MACROD2: variants seen among roughly 807,000 people sequenced by gnomAD.
MACROD2 encodes the protein mono-ADP ribosylhydrolase 2.
Under a neutral mutation model 70.4 loss-of-function variants are expected in MACROD2, and 36 were observed. That is an observed-to-expected ratio of 0.51 (90% CI 0.39 to 0.68). The LOEUF is 0.68. Ranked by LOEUF, MACROD2 falls within the 30% of genes least tolerant of loss-of-function variation. The pLI is 0.00. For missense variants in MACROD2, 496 were observed against 538.4 expected (o/e 0.92, Z 0.78); for synonymous variants, 172 against 178.8 (o/e 0.96, Z 0.30).
intron 6 of MACROD2, among the ~76,000 whole-genome samples, chr20:15,376,039 C>CATGT (rs1441056088): frequency 6.6e-6 from 1 of 152,102 alleles, no homozygotes; most frequent in Non-Finnish European, 1.5e-5. Context: ...TTTTTGAGGC[C>CATGT]ATGTGGTCCA....
At chr20:14,867,977 A>G (rs1005369345) in intron 5 of MACROD2, among the ~76,000 whole-genome samples, 1 of 152,106 alleles carries the variant, frequency 6.6e-6, no homozygotes. Context: ...TCAGTGAAGG[A>G]GAGGGCAATA....
At chr20:15,503,014 G>A (rs1288874168) in intron 8 of MACROD2, among the ~76,000 whole-genome samples, 1 of 152,164 alleles carries the variant, frequency 6.6e-6, no homozygotes, top group Non-Finnish European at 1.5e-5. Flanking sequence ...CCAGAAAAAG[G>A]CACCCAGGGA....
chr20:15,976,870 G>A (rs761831206), intron 13 of MACROD2, among the ~76,000 whole-genome samples: 1 of 152,182 alleles, frequency 6.6e-6, no homozygotes, highest in Non-Finnish European at 1.5e-5. Flanking sequence ...ATTTGAAATA[G>A]CACTTTATCC....
intron 15 of MACROD2, among the ~76,000 whole-genome samples, chr20:16,009,061 G>T (rs943317585): frequency 1.3e-5 from 2 of 151,958 alleles, no homozygotes; most frequent in African/African-American, 4.8e-5. Flanking sequence ...TGGCAGATGT[G>T]CTGTGTCATG....
At chr20:15,938,019 CTG>C (rs2065692517) in intron 12 of MACROD2, among the ~76,000 whole-genome samples, 1 of 151,586 alleles carries the variant, frequency 6.6e-6, no homozygotes, top group Non-Finnish European at 1.5e-5. Flanking sequence ...ATTCTCCATT[CTG>C]TCAGAAGTTA....
intron 4 of MACROD2, among the ~76,000 whole-genome samples, chr20:14,676,779 C>G (rs2070866906): frequency 6.6e-6 from 1 of 152,004 alleles, no homozygotes; most frequent in South Asian, 2.1e-4. Context: ...AATTCAGGAG[C>G]TGGATTTTTG....
intron 3 of MACROD2, chr20:14,327,073 A>T: frequency 6.2e-7 from 1 of 1,613,778 alleles, no homozygotes; most frequent in Non-Finnish European, 8.5e-7. Flanking sequence ...TCCCTCTTCT[A>T]TGCTAACTGC....
chr20:15,132,413 G>T (rs1458924146), intron 5 of MACROD2, among the ~76,000 whole-genome samples: 1 of 152,006 alleles, frequency 6.6e-6, no homozygotes, highest in Non-Finnish European at 1.5e-5. Context: ...TTGATAGCCA[G>T]TTGGTTGGAT....
intron 8 of MACROD2, among the ~76,000 whole-genome samples, chr20:15,563,681 G>C (rs991420025): frequency 1.2e-4 from 19 of 152,100 alleles, no homozygotes; most frequent in African/African-American, 4.3e-4. Context: ...GTGTGGTATG[G>C]ATTGATCAAA....
chr20:14,218,808 A>G (rs1190919443), intron 3 of MACROD2, among the ~76,000 whole-genome samples: 1 of 152,176 alleles, frequency 6.6e-6, no homozygotes, highest in Admixed American at 6.5e-5. Context: ...GTTTCCCTGG[A>G]TACAAAATTC....
rs144752219 is a variant in MACROD2 at position 14,805,332 on chromosome 20, T to C, written c.418+120373T>C. Reference sequence around the variant, plus strand: ...ATTGATCTTACATTTAGAGAAATTTTTCCCTAGCCTCTGGCAATGATTTGG... The same window carrying C: ...ATTGATCTTACATTTAGAGAAATTTCTCCCTAGCCTCTGGCAATGATTTGG... On this transcript the variant is annotated intron_variant, in intron 5 of 17. Coordinates refer to ENST00000684519, the MANE Select transcript of MACROD2 (RefSeq NM_001351661.2). 2.1e-3 allele frequency among the ~76,000 whole-genome samples: 317 copies of C among 152,180 alleles called. 2 individuals are homozygous for C. Among genetic ancestry groups the C allele is most frequent in the African/African-American group, 7.1e-3 (295 of 41,514 alleles).
intron 5 of MACROD2, among the ~76,000 whole-genome samples, chr20:14,884,764 A>G (rs530595570): frequency 2.3e-4 from 35 of 152,286 alleles, no homozygotes; most frequent in African/African-American, 8.2e-4. Flanking sequence ...ACAACTGACC[A>G]GCGTTAATAT....
chr20:15,363,272 C>A (rs933243962), intron 6 of MACROD2, among the ~76,000 whole-genome samples: 2 of 152,138 alleles, frequency 1.3e-5, no homozygotes, highest in Non-Finnish European at 2.9e-5. Context: ...CAGGTAGAAC[C>A]ATCCTGTTAA....
chr20:14,030,238 A>G (rs907083639), intron 2 of MACROD2, among the ~76,000 whole-genome samples: 4 of 151,950 alleles, frequency 2.6e-5, no homozygotes, highest in South Asian at 2.1e-4. Context: ...GGATCTTGCT[A>G]TGATGCCCAG....
intron 4 of MACROD2, among the ~76,000 whole-genome samples, chr20:14,640,163 A>C (rs1352655520): frequency 6.6e-6 from 1 of 152,240 alleles, no homozygotes. Context: ...AGACTAATTT[A>C]TGTGCTTTTA....
At chr20:15,165,736 A>G (rs1282622719) in intron 5 of MACROD2, among the ~76,000 whole-genome samples, 2 of 152,216 alleles carry the variant, frequency 1.3e-5, no homozygotes, top group South Asian at 2.1e-4. Context: ...TTAAGAGGCC[A>G]ATATAATCTT....
intron 3 of MACROD2, among the ~76,000 whole-genome samples, chr20:14,136,094 T>C (rs1373897012): frequency 6.6e-6 from 1 of 152,164 alleles, no homozygotes; most frequent in Non-Finnish European, 1.5e-5. Context: ...CTAAGGATTA[T>C]ACAAAAATGC....
chr20:15,990,462 A>G (rs1009691940), intron 15 of MACROD2, among the ~76,000 whole-genome samples: 1 of 152,104 alleles, frequency 6.6e-6, no homozygotes, highest in Non-Finnish European at 1.5e-5. Flanking sequence ...TATATTGGAT[A>G]TTTTTTTCTC....
At chr20:14,946,918 G>A (rs773520091) in intron 5 of MACROD2, among the ~76,000 whole-genome samples, 1 of 152,120 alleles carries the variant, frequency 6.6e-6, no homozygotes, top group African/African-American at 2.4e-5. Context: ...ATTTTGCTAT[G>A]CATGTGAGGT....
Sources: gnomAD v4.1 joint callset for allele counts (sites outside exome capture counted in the v4.1 genomes callset) on GRCh38, gnomAD v4.1.1 for gene constraint, MANE v1.5 for transcripts, NCBI Gene and HGNC (gene_info 2026-07-23, HGNC 2026-07-21) for gene names.